ALG12: variants seen among roughly 807,000 people sequenced by gnomAD.
The protein encoded by ALG12 is dol-P-Man:Man(7)GlcNAc(2)-PP-Dol alpha-1,6-mannosyltransferase.
A neutral mutation model predicts 46.0 loss-of-function variants in ALG12; 36 were observed. The ratio of observed to expected loss-of-function variants is 0.78; its 90% CI spans 0.60 to 1.03. ALG12 has a LOEUF of 1.03. Ranked by LOEUF, ALG12 falls within the 50% of genes least tolerant of loss-of-function variation. The pLI is 0.00. For missense variants in ALG12, 599 were observed against 633.5 expected, an observed-to-expected ratio of 0.95 and a Z score of 0.58; for synonymous variants, 326 against 291.6, an observed-to-expected ratio of 1.12 and a Z score of -1.20.
chr22:49,895,962 G>C (rs1340116657), downstream of ALG12, among the ~76,000 whole-genome samples: 3 of 152,200 alleles, frequency 2.0e-5, no homozygotes, highest in Non-Finnish European at 4.4e-5. Context: ...CAAATGCTGG[G>C]TCTCCTGTGA....
At chr22:49,884,753 C>G in the ALG12 span, 1 of 1,594,108 alleles carries the variant, frequency 6.3e-7, no homozygotes, top group South Asian at 1.1e-5. Flanking sequence ...TCCTTGCTGC[C>G]GCCGGAGGGG....
the ALG12 span, chr22:49,886,430 G>T: frequency 6.3e-7 from 1 of 1,587,340 alleles, no homozygotes; most frequent in Non-Finnish European, 8.6e-7. The surrounding 1 kb of genome is among the most constrained non-coding windows in gnomAD (Gnocchi z 7.7). Context: ...GAGCTGATCA[G>T]CTGCGACCAG....
chr22:49,899,743 T>C (rs2060496265), downstream of ALG12, among the ~76,000 whole-genome samples: 1 of 151,932 alleles, frequency 6.6e-6, no homozygotes, highest in Admixed American at 6.6e-5. Context: ...TTACAAAATA[T>C]TGGAAATAAC....
chr22:49,917,958 GA>G (rs1484229946), intron 1 of ALG12, among the ~76,000 whole-genome samples: 15 of 114,316 alleles, frequency 1.3e-4, no homozygotes, highest in African/African-American at 2.3e-4. Context: ...GGCCCCAGGT[GA>G]GGAGCCCGGC....
At chr22:49,907,248 C>T (rs1311849678) in intron 7 of ALG12, among the ~76,000 whole-genome samples, 2 of 152,214 alleles carry the variant, frequency 1.3e-5, no homozygotes, top group Non-Finnish European at 2.9e-5. Flanking sequence ...CTGCCCCTGC[C>T]CTCTGCCGCT....
intron 7 of ALG12, 145 bp downstream of exon 7, chr22:49,907,576 G>A (rs2060549463): frequency 1.1e-6 from 1 of 914,970 alleles, no homozygotes; most frequent in Admixed American, 2.0e-5. Flanking sequence ...GGAGTTGAGG[G>A]GTGCAGTAAG....
the ALG12 span, among the ~76,000 whole-genome samples, chr22:49,877,705 A>G: frequency 6.6e-6 from 1 of 152,170 alleles, no homozygotes; most frequent in Admixed American, 6.5e-5. Context: ...AGCTGCTGTG[A>G]ACATTTGCAT....
chr22:49,869,503 C>A, the ALG12 span, among the ~76,000 whole-genome samples: 5 of 152,120 alleles, frequency 3.3e-5, no homozygotes, highest in African/African-American at 1.2e-4. Flanking sequence ...TTTTTTAGTT[C>A]CTGTTTATTC....
the ALG12 span, chr22:49,886,278 G>C: frequency 1.4e-6 from 2 of 1,389,006 alleles, no homozygotes; most frequent in African/African-American, 2.9e-5. The surrounding 1 kb of genome is among the most constrained non-coding windows in gnomAD (Gnocchi z 7.7). Context: ...AACTGGCCGA[G>C]CTGCAGAGGG....
At position 49,900,669 on chromosome 22, in the gene ALG12, A is replaced by T. The variant is rs577888055; in HGVS notation, c.*3169T>A. The stretch of plus-strand genomic sequence containing the variant: ...CGAGCAGGCGTGCACTGGACTCCCT[A>T]GCAGATGCGTGAGGATGCTGCTGTT... On this transcript the variant is annotated 3_prime_UTR_variant, in exon 10 of 10. Transcript: ENST00000330817. The T allele has an allele frequency of 6.6e-6, 1 of 151,878 alleles. No homozygotes were observed. The highest frequency in any genetic ancestry group is 2.4e-5 in the African/African-American group (1 of 41,378). The allele number at this position is 151,878 out of a possible 1,614,324, so 9.4% of individuals were successfully genotyped here. A position where few individuals can be genotyped will look rare whatever the true frequency, so the allele number is the denominator to read the frequency against.
At chr22:49,870,756 A>C in the ALG12 span, among the ~76,000 whole-genome samples, 1 of 151,736 alleles carries the variant, frequency 6.6e-6, no homozygotes, top group Non-Finnish European at 1.5e-5. Flanking sequence ...TCTCTTATTC[A>C]GTGGGTTTTC....
rs752122086 is a variant in ALG12, at chr22:49,910,522, G to A, written c.381C>T (p.Ala127=). The A allele has an allele frequency of 1.9e-6, 3 of 1,614,104 alleles. No homozygotes were observed. Among genetic ancestry groups the A allele is most frequent in the Non-Finnish European group, 2.5e-6 (3 of 1,180,034 alleles). Residue 127 remains alanine (A), a synonymous_variant, in exon 4 of 10, where the codon GCC becomes GCT. Transcript: ENST00000330817. ...TGGCCGTCACCCAGCAGAACATGGTGGCCACCATGGCCCCGAAGTGCCGTC... is the reference window on the plus strand; with the variant it reads ...TGGCCGTCACCCAGCAGAACATGGTAGCCACCATGGCCCCGAAGTGCCGTC... ...EVRRHFGAMV[A]TMFCWVTAMQ...
chr22:49,863,934 C>T, the ALG12 span, among the ~76,000 whole-genome samples: 1 of 152,180 alleles, frequency 6.6e-6, no homozygotes, highest in Non-Finnish European at 1.5e-5. Flanking sequence ...CAAGCTGGCT[C>T]CTGGATCCTT....
the ALG12 span, among the ~76,000 whole-genome samples, chr22:49,872,141 C>T: frequency 6.6e-6 from 1 of 152,328 alleles, no homozygotes; most frequent in South Asian, 2.1e-4. Context: ...AGTAGAACTT[C>T]TTTCAAAATT....
the ALG12 span, chr22:49,886,676 C>G: frequency 6.2e-7 from 1 of 1,611,834 alleles, no homozygotes; most frequent in Non-Finnish European, 8.5e-7. This position sits in a 1 kb window ranked among gnomAD's most constrained non-coding sequence, Gnocchi z 7.7. Context: ...TACGTCTTCG[C>G]CACGCTGCTG....
chr22:49,884,068 T>C, the ALG12 span: 1 of 1,609,246 alleles, frequency 6.2e-7, no homozygotes, highest in Non-Finnish European at 8.5e-7. Flanking sequence ...TAAAGCAATA[T>C]GCATGTACTG....
the ALG12 span, among the ~76,000 whole-genome samples, chr22:49,883,138 A>AT: frequency 6.6e-6 from 1 of 151,740 alleles, no homozygotes; most frequent in Non-Finnish European, 1.5e-5. Context: ...TCATGTCTCT[A>AT]TTTTTTGCTT....
At chr22:49,875,547 G>A in the ALG12 span, among the ~76,000 whole-genome samples, 3 of 151,558 alleles carry the variant, frequency 2.0e-5, no homozygotes, top group African/African-American at 7.3e-5. Flanking sequence ...CAGCCTCTCA[G>A]GTAGCTGGGG....
the ALG12 span, among the ~76,000 whole-genome samples, chr22:49,881,927 G>T: frequency 6.6e-6 from 1 of 152,274 alleles, no homozygotes; most frequent in Middle Eastern, 3.4e-3. Flanking sequence ...TTTCTGGTGG[G>T]AGCTAGCAGT....
Sources: allele counts gnomAD v4.1 joint callset (sites outside exome capture counted in the v4.1 genomes callset), GRCh38; gene constraint gnomAD v4.1.1; non-coding constraint Gnocchi (gnomAD v3.1); transcripts MANE v1.5; gene names NCBI Gene and HGNC (gene_info 2026-07-23, HGNC 2026-07-21).